The following WWC2 variants were observed in gnomAD, a reference collection of about 807,000 sequenced individuals.
WWC2 encodes protein WWC2.
In WWC2, 101 loss-of-function variants were observed where a neutral mutation model predicts 138.5. The observed-to-expected ratio is 0.73, with a 90% CI of 0.62 to 0.86. The LOEUF (loss-of-function observed/expected upper bound fraction) is 0.86, where lower values mean the gene tolerates loss of function less well. Among genes scored for constraint, WWC2 ranks in the 40% least tolerant of loss-of-function variants. The pLI, the probability that WWC2 is intolerant of heterozygous loss-of-function variation, is 0.00. For missense variants in WWC2, 1,420 were observed against 1,419.4 expected, an observed-to-expected ratio of 1.00 and a Z score of -0.01; for synonymous variants, 558 against 538.4, an observed-to-expected ratio of 1.04 and a Z score of -0.50.
intron 1 of WWC2, among the ~76,000 whole-genome samples, chr4:183,177,659 G>GA (rs1029583129): frequency 4.0e-5 from 6 of 150,246 alleles, no homozygotes; most frequent in Non-Finnish European, 5.9e-5. Flanking sequence ...GATGATGTTA[G>GA]AAAAAAAAAG....
At chr4:183,268,363 T>C (rs1042352575) in intron 14 of WWC2, among the ~76,000 whole-genome samples, 1 of 152,230 alleles carries the variant, frequency 6.6e-6, no homozygotes, top group Non-Finnish European at 1.5e-5. Flanking sequence ...CTCTGAATTT[T>C]ACAAAGCACG....
chr4:183,174,432 T>G (rs144832492), intron 1 of WWC2, among the ~76,000 whole-genome samples: 2 of 152,340 alleles, frequency 1.3e-5, no homozygotes, highest in African/African-American at 4.8e-5. Flanking sequence ...GCTTTCTGTT[T>G]CTCATGTCTC....
chr4:183,178,524 C>T (rs1734529248), intron 1 of WWC2, among the ~76,000 whole-genome samples: 1 of 151,614 alleles, frequency 6.6e-6, no homozygotes, highest in African/African-American at 2.4e-5. Flanking sequence ...GAGGCTGCAG[C>T]CCAGCCTGAG....
At chr4:183,279,318 G>A (rs1259357356) in intron 16 of WWC2, among the ~76,000 whole-genome samples, 1 of 151,932 alleles carries the variant, frequency 6.6e-6, no homozygotes, top group Non-Finnish European at 1.5e-5. Context: ...GCATCCCAGG[G>A]ATGAAGCCCA....
At chr4:183,265,157 T>TG (rs1397898064) in intron 12 of WWC2, 50 bp downstream of exon 12, 1 of 1,567,332 alleles carries the variant, frequency 6.4e-7, no homozygotes, top group Admixed American at 1.8e-5. Context: ...TCCATCGCCG[T>TG]GGATGTGGGT....
chr4:183,282,101 C>T (rs1738095091), intron 17 of WWC2, among the ~76,000 whole-genome samples: 1 of 152,162 alleles, frequency 6.6e-6, no homozygotes, highest in African/African-American at 2.4e-5. Flanking sequence ...ATGAGATGTT[C>T]TAAACCATCC....
intron 11 of WWC2, 34 bp downstream of exon 11, chr4:183,261,566 G>A (rs1418587817): frequency 1.3e-6 from 2 of 1,571,702 alleles, no homozygotes; most frequent in Non-Finnish European, 1.7e-6. Context: ...TGTATTCCCT[G>A]TTAGTGATTT....
chr4:183,254,881 A>AC (rs974565812), intron 9 of WWC2, among the ~76,000 whole-genome samples: 1 of 152,184 alleles, frequency 6.6e-6, no homozygotes, highest in Admixed American at 6.5e-5. Flanking sequence ...CAAAAAAAAA[A>AC]ATTGTGGCGT....
At chr4:183,290,894 A>T (rs1330509400) in intron 21 of WWC2, among the ~76,000 whole-genome samples, 1 of 152,222 alleles carries the variant, frequency 6.6e-6, no homozygotes, top group Admixed American at 6.5e-5. Context: ...TGAATCGTCC[A>T]GCTGACTGGA....
At chr4:183,109,629 T>A (rs1325927191) in intron 1 of WWC2, among the ~76,000 whole-genome samples, 1 of 152,240 alleles carries the variant, frequency 6.6e-6, no homozygotes, top group Non-Finnish European at 1.5e-5. Context: ...CCACCACTGA[T>A]CTGACAGGAG....
At chr4:183,242,103 G>A (rs6810712) in intron 5 of WWC2, among the ~76,000 whole-genome samples, 1 of 152,092 alleles carries the variant, frequency 6.6e-6, no homozygotes, top group Non-Finnish European at 1.5e-5. Flanking sequence ...AGAAAGATAT[G>A]ATATCTAACA....
intron 21 of WWC2, 65 bp from the exon 22 acceptor site, chr4:183,312,276 G>A: frequency 6.3e-7 from 1 of 1,586,584 alleles, no homozygotes; most frequent in Admixed American, 1.7e-5. Flanking sequence ...AAGCTTCATA[G>A]GATGTCTCCA....
rs540861481 is a variant in WWC2 at position 183,280,311 on chromosome 4, A to G, written c.2563-465A>G. Among the ~76,000 whole-genome samples the G allele has an allele frequency of 7.6e-5, 10 of 131,938 alleles. No individual in the cohort carries two copies. In the East Asian group the frequency reaches 2.4e-3, roughly 31 times the overall value. 86.6% of individuals were successfully genotyped at this position (131,938 alleles called of 152,430 possible). A position where few individuals can be genotyped will look rare whatever the true frequency, so the allele number is the denominator to read the frequency against. On this transcript the variant is annotated intron_variant, in intron 16 of 22. Transcript: ENST00000403733. ...AGGCAGCTTAGGAATGGCAAATGCC[A>G]TGACAGGAATATCATGTAGAATATT...
intron 1 of WWC2, among the ~76,000 whole-genome samples, chr4:183,133,604 C>T (rs11930246): frequency 0.031 from 4,698 of 152,218 alleles, 246 homozygotes; most frequent in African/African-American, 0.11. Context: ...TCAAATGATT[C>T]TCCTGCCTCA....
chr4:183,113,895 T>C lies in WWC2; in HGVS notation c.131+14273T>C, dbSNP rs559226204. Among the ~76,000 whole-genome samples, 127 of 151,912 alleles carry C rather than the reference T, an allele frequency of 8.4e-4. 1 individual carries two copies. The highest frequency in any genetic ancestry group is 6.5e-4 in the Non-Finnish European group (44 of 67,938). On this transcript the variant is annotated intron_variant, in intron 1 of 22. Coordinates refer to ENST00000403733, the MANE Select transcript of WWC2 (RefSeq NM_024949.6). The stretch of plus-strand genomic sequence containing the variant: ...ACCTAAAAAACCTATGTTTTTTTGG[T>C]AAAAATGAAAGAACTTGCTCATGAT...
chr4:183,264,948 T>A, intron 11 of WWC2, 30 bp from the exon 12 acceptor site: 1 of 1,593,744 alleles, frequency 6.3e-7, no homozygotes, highest in Non-Finnish European at 8.5e-7. Flanking sequence ...TAAGACATTC[T>A]GATTAGTGCT....
chr4:183,207,796 G>A (rs1735486324), intron 2 of WWC2, among the ~76,000 whole-genome samples, 157 bp from the exon 3 acceptor site: 1 of 152,138 alleles, frequency 6.6e-6, no homozygotes, highest in South Asian at 2.1e-4. Flanking sequence ...ATGAGACTGG[G>A]TAAAATAAAA....
intron 1 of WWC2, among the ~76,000 whole-genome samples, chr4:183,100,983 A>G (rs1579934796): frequency 6.6e-6 from 1 of 152,206 alleles, no homozygotes; most frequent in African/African-American, 2.4e-5. Context: ...GCTCCAAGCC[A>G]GTTATTTGAC....
chr4:183,239,310 T>G (rs1389274793), intron 4 of WWC2, among the ~76,000 whole-genome samples: 1 of 151,372 alleles, frequency 6.6e-6, no homozygotes, highest in Non-Finnish European at 1.5e-5. Context: ...CAAGACTCTG[T>G]CTCAAAAAAA....
Sources: gnomAD v4.1 joint callset for allele counts (sites outside exome capture counted in the v4.1 genomes callset) on GRCh38, gnomAD v4.1.1 for gene constraint, MANE v1.5 for transcripts, NCBI Gene and HGNC (gene_info 2026-07-23, HGNC 2026-07-21) for gene names.